The following ABL2 variants were observed in gnomAD, a reference collection of about 807,000 sequenced individuals.
ABL2 encodes the protein ABL proto-oncogene 2, non-receptor tyrosine kinase, also known as tyrosine-protein kinase ABL2.
In ABL2, 49 loss-of-function variants were observed where a neutral mutation model predicts 107.7. The ratio of observed to expected loss-of-function variants is 0.45; its 90% CI spans 0.36 to 0.58. The LOEUF is 0.58. Among genes scored for constraint, ABL2 ranks in the 20% least tolerant of loss-of-function variants. The pLI is 0.00. For synonymous variants in ABL2, 549 were observed against 548.6 expected (o/e 1.00, Z -0.01); for missense variants, 1,245 against 1,457.0 (o/e 0.85, Z 2.37).
chr1:179,187,745 C>CT (rs1295863357), intron 1 of ABL2, among the ~76,000 whole-genome samples: 1 of 152,108 alleles, frequency 6.6e-6, no homozygotes, highest in Non-Finnish European at 1.5e-5. Context: ...AGAAATAATA[C>CT]TAACTAAATT....
intron 1 of ABL2, among the ~76,000 whole-genome samples, chr1:179,193,464 C>T (rs565361931): frequency 4.6e-5 from 7 of 151,726 alleles, no homozygotes; most frequent in East Asian, 1.9e-4. Context: ...AGTGCAATGG[C>T]GCAATCTTGA....
intron 5 of ABL2, among the ~76,000 whole-genome samples, 184 bp from the exon 6 acceptor site, chr1:179,120,458 C>T (rs1480610062): frequency 1.3e-5 from 2 of 152,276 alleles, no homozygotes; most frequent in African/African-American, 4.8e-5. Context: ...GAGACACGGT[C>T]TCGCTCTGTT....
intron 1 of ABL2, among the ~76,000 whole-genome samples, chr1:179,176,470 T>C (rs1660050057): frequency 6.6e-6 from 1 of 151,464 alleles, no homozygotes; most frequent in Non-Finnish European, 1.5e-5. Flanking sequence ...CATAAATATA[T>C]ACACTATGTA....
chr1:179,166,810 A>G (rs1659414986), intron 1 of ABL2, among the ~76,000 whole-genome samples: 1 of 151,438 alleles, frequency 6.6e-6, no homozygotes, highest in Admixed American at 6.6e-5. Flanking sequence ...AATGTTCTGT[A>G]TCACTAACCA....
chr1:179,109,046 C>G lies in ABL2; in HGVS notation c.2221G>C (p.Ala741Pro), dbSNP rs1307730354. 2.2e-6 allele frequency: 3 copies of G among 1,393,238 alleles called. No individual in the cohort carries two copies. The South Asian group carries it at 3.5e-5, about 16-fold the overall frequency. The allele number at this position is 1,393,238 out of a possible 1,614,324, so 86.3% of individuals were successfully genotyped here. A position where few individuals can be genotyped will look rare whatever the true frequency, so the allele number is the denominator to read the frequency against. Residue 741 changes from alanine (A) to proline (P), a missense_variant, in exon 12 of 12, where the codon GCT becomes CCT. Ala to Pro is a conservative substitution (Grantham distance 27). Around this residue, in one of 3 missense-constraint regions of ABL2, gnomAD observed 761 missense variants for 766.4 expected, o/e 0.99. Coordinates refer to ENST00000502732, the MANE Select transcript of ABL2 (RefSeq NM_007314.4). ...GTGATGCCAGACCACCCACCCCCAG[C>G]AGTGCCACTGCCCCCACCCCCACCA... The part of the protein sequence containing the change: ...DGGGGGGSGT[A>P]GGGWSGITGF...
At chr1:179,228,082 C>T (rs949738108) in intron 1 of ABL2, among the ~76,000 whole-genome samples, 1 of 146,680 alleles carries the variant, frequency 6.8e-6, no homozygotes, top group African/African-American at 2.5e-5. Context: ...AGAGTTTGGG[C>T]CAGGAACGGT....
chr1:179,152,315 T>C (rs889164459), intron 1 of ABL2, among the ~76,000 whole-genome samples: 2 of 152,200 alleles, frequency 1.3e-5, no homozygotes, highest in African/African-American at 4.8e-5. Flanking sequence ...GGCATGTCCT[T>C]TGGTGGTCTC....
rs200955592 is a variant in ABL2 at position 179,115,316 on chromosome 1, G to T, written c.1409-286C>A. 3.9e-5 allele frequency among the ~76,000 whole-genome samples: 6 copies of T among 152,258 alleles called. No homozygotes were observed. The East Asian group carries it at 1.2e-3, about 29-fold the overall frequency. ...AAAATAAACTATGACCATTTAAGAA[G>T]TCTGAGGCATAATCCAACTATTCTT... On this transcript the variant is annotated intron_variant, in intron 8 of 11. Coordinates refer to ENST00000502732, the MANE Select transcript of ABL2 (RefSeq NM_007314.4).
Position 179,118,636 on chromosome 1 carries a change from G to C in ABL2, c.1174C>G (p.Gln392Glu). The C allele has an allele frequency of 6.2e-7, 1 of 1,613,800 alleles. No homozygotes were observed. The highest frequency in any genetic ancestry group is 8.5e-7 in the Non-Finnish European group (1 of 1,179,976). ...TAVVLLYMAT[Q>E]ISSAMEYLEK... ...AAGTACTCCATTGCAGAAGAAATCT[G>C]AGTGGCCATGTAGAGCAGCACAACT... The change falls in exon 7 of 12, where the codon CAG becomes GAG. Residue 392 changes from glutamine (Q) to glutamate (E), a missense_variant. By Grantham distance (29) the Gln-to-Glu change is conservative. This residue lies in a region of ABL2 where 320 missense variants were observed against 547.0 expected (regional missense o/e 0.59). Transcript: ENST00000502732.
intron 1 of ABL2, among the ~76,000 whole-genome samples, chr1:179,226,802 C>T (rs1187284389): frequency 6.6e-6 from 1 of 152,116 alleles, no homozygotes; most frequent in East Asian, 1.9e-4. Flanking sequence ...AGCAGCCAAG[C>T]AAGGTTTCAA....
At chr1:179,121,334 G>C (rs1190427997) in intron 5 of ABL2, among the ~76,000 whole-genome samples, 3 of 152,068 alleles carry the variant, frequency 2.0e-5, no homozygotes, top group Admixed American at 6.6e-5. Context: ...CTTTTAATTT[G>C]CTTCTAACCT....
At position 179,112,338 on chromosome 1, in the gene ABL2, G is replaced by A. The variant is rs1654170946; in HGVS notation, c.1622C>T (p.Thr541Ile). 6.2e-7 allele frequency: 1 copy of A among 1,613,836 alleles called. No homozygotes were observed. Among genetic ancestry groups the A allele is most frequent in the Non-Finnish European group, 8.5e-7 (1 of 1,179,790 alleles). ...AGAAATGCTGGAGTCATGGAACATG[G>A]TTTCAAAAGCTTGGTGTGTTTCAGC... is the stretch of plus-strand genomic sequence containing the variant. ...SFAETHQAFE[T>I]MFHDSSISEE... The change falls in exon 10 of 12, where the codon ACC becomes ATC. Residue 541 changes from threonine to isoleucine, a missense_variant. By Grantham distance (89) the Thr-to-Ile change is moderately conservative. Transcript: ENST00000502732.
chr1:179,106,245 A>AAT lies in ABL2; in HGVS notation c.*1472_*1473insAT. 1 of 227,350 alleles carries AAT rather than the reference A, an allele frequency of 4.4e-6. No homozygotes were observed. Among genetic ancestry groups the AAT allele is most frequent in the Non-Finnish European group, 8.7e-6 (1 of 114,428 alleles). The allele number at this position is 227,350 out of a possible 1,614,324, so 14.1% of individuals were successfully genotyped here. On this transcript the variant is annotated 3_prime_UTR_variant, in exon 12 of 12. Transcript: ENST00000502732. ...GAACATTAATAATACCTAACTCATTAGATTCACTTCCATGCCATCCTAATT... is the reference window on the plus strand; with the variant it reads ...GAACATTAATAATACCTAACTCATTAATGATTCACTTCCATGCCATCCTAATT...
At chr1:179,128,679 T>A (rs1371866161) in intron 3 of ABL2, among the ~76,000 whole-genome samples, 1 of 152,122 alleles carries the variant, frequency 6.6e-6, no homozygotes, top group Non-Finnish European at 1.5e-5. Flanking sequence ...AGAGCAACCC[T>A]AGGGAGAACT....
chr1:179,105,860 A>G lies in ABL2; in HGVS notation c.*1858T>C, dbSNP rs1210359459. 4.4e-6 allele frequency: 1 copy of G among 225,228 alleles called. No homozygotes were observed. Among genetic ancestry groups the G allele is most frequent in the Non-Finnish European group, 8.8e-6 (1 of 113,136 alleles). 14.0% of individuals were successfully genotyped at this position (225,228 alleles called of 1,614,324 possible). A position where few individuals can be genotyped will look rare whatever the true frequency, so the allele number is the denominator to read the frequency against. ...ATTCTTAATTTCATTAATATTTTCT[A>G]CTCAGCAAATAAGATAATGGAAAAC... On this transcript the variant is annotated 3_prime_UTR_variant, in exon 12 of 12. Coordinates refer to ENST00000502732, the MANE Select transcript of ABL2 (RefSeq NM_007314.4).
chr1:179,197,445 C>T (rs560213174), intron 1 of ABL2, among the ~76,000 whole-genome samples: 3 of 151,892 alleles, frequency 2.0e-5, no homozygotes, highest in African/African-American at 7.2e-5. Context: ...CTTTGAGGGC[C>T]CTTTTACCCC....
Position 179,101,899 on chromosome 1 carries a change from G to A in ABL2, c.*5819C>T, listed in dbSNP as rs1446306786. On this transcript the variant is annotated 3_prime_UTR_variant, in exon 12 of 12. Transcript: ENST00000502732. Reference sequence around the variant, plus strand: ...CGTAGGGAATGACAGTGAAGTTCAAGTGAACTACAGTTGTGCTGAACAGAG... The same window carrying A: ...CGTAGGGAATGACAGTGAAGTTCAAATGAACTACAGTTGTGCTGAACAGAG... The A allele has an allele frequency of 5.8e-6, 1 of 171,226 alleles. No individual in the cohort carries two copies. The highest frequency in any genetic ancestry group is 1.2e-5 in the Non-Finnish European group (1 of 80,976). The allele number at this position is 171,226 out of a possible 1,614,324, so 10.6% of individuals were successfully genotyped here.
chr1:179,111,558 T>C (rs1654083240), intron 10 of ABL2, among the ~76,000 whole-genome samples: 1 of 152,088 alleles, frequency 6.6e-6, no homozygotes, highest in African/African-American at 2.4e-5. Context: ...AGTGCTGGGA[T>C]TGCAGGTGTG....
chr1:179,205,571 G>T (rs1661923192), intron 1 of ABL2, among the ~76,000 whole-genome samples: 1 of 152,152 alleles, frequency 6.6e-6, no homozygotes, highest in Non-Finnish European at 1.5e-5. Context: ...TGTCAGCCTG[G>T]GTCTCTGGGT....
Sources: gnomAD v4.1 joint callset for allele counts (sites outside exome capture counted in the v4.1 genomes callset) on GRCh38, gnomAD v4.1.1 for gene constraint, gnomAD v4.1.1 regional missense constraint, MANE v1.5 for transcripts, NCBI Gene and HGNC (gene_info 2026-07-23, HGNC 2026-07-21) for gene names.